Variants in ANO1 observed in about 807,000 individuals in gnomAD.
ANO1 encodes the protein anoctamin-1.
A neutral mutation model predicts 124.0 loss-of-function variants in ANO1; 59 were observed. The ratio of observed to expected loss-of-function variants is 0.48; its 90% CI spans 0.39 to 0.59. ANO1 has a LOEUF of 0.59. Ranked by LOEUF, ANO1 falls within the 20% of genes least tolerant of loss-of-function variation. The pLI is 0.00. For synonymous variants in ANO1, 529 were observed against 532.0 expected (o/e 0.99, Z 0.08); for missense variants, 1,059 against 1,328.0 (o/e 0.80, Z 3.15).
chr11:70,103,185 T>C, intron 3 of ANO1, 21 bp downstream of exon 3: 1 of 1,592,528 alleles, frequency 6.3e-7, no homozygotes, highest in Non-Finnish European at 8.6e-7. Flanking sequence ...ATGGTCCTGC[T>C]CCGAAATGAA....
At chr11:70,134,100 C>T (rs142255633) in intron 11 of ANO1, among the ~76,000 whole-genome samples, 276 of 152,324 alleles carry the variant, frequency 1.8e-3, no homozygotes, top group South Asian at 0.01. Flanking sequence ...GTGTCCTTAG[C>T]AGAGTTCCCT....
chr11:70,186,810 G>A (rs991976742), intron 25 of ANO1, among the ~76,000 whole-genome samples: 1 of 152,238 alleles, frequency 6.6e-6, no homozygotes, highest in Non-Finnish European at 1.5e-5. Flanking sequence ...CTGTCACAGG[G>A]CAGGCCCTTC....
chr11:70,178,817 G>A (rs2048827126), intron 22 of ANO1, among the ~76,000 whole-genome samples: 1 of 152,220 alleles, frequency 6.6e-6, no homozygotes, highest in East Asian at 1.9e-4. Flanking sequence ...GCCCACCTCA[G>A]CCTCCCAAAA....
chr11:70,019,037 AG>A (rs1374848947), intron 1 of ANO1, among the ~76,000 whole-genome samples: 1 of 152,232 alleles, frequency 6.6e-6, no homozygotes, highest in South Asian at 2.1e-4. Flanking sequence ...CATGTGGCGG[AG>A]GGGGGCCTGT....
At position 70,005,112 on chromosome 11, in the gene ANO1, CAA is replaced by C. The variant is rs3078420; in HGVS notation, c.58+18961_58+18962del. On this transcript the variant is annotated intron_variant, in intron 1 of 27. Transcript: ENST00000531349. ...TGGGTGACAGAGCGAGATTCCAACT[CAA>C]AAAAAAAAAAAAAATTGGTGACAGA... 9.3e-4 allele frequency among the ~76,000 whole-genome samples: 125 copies of C among 134,942 alleles called. No individual in the cohort carries two copies. In the Middle Eastern group the frequency reaches 0.019, roughly 20 times the overall value. The allele number at this position is 134,942 out of a possible 152,430, so 88.5% of individuals were successfully genotyped here. A position where few individuals can be genotyped will look rare whatever the true frequency, so the allele number is the denominator to read the frequency against.
intron 8 of ANO1, among the ~76,000 whole-genome samples, chr11:70,123,180 G>A (rs971976485): frequency 2.6e-5 from 4 of 152,208 alleles, no homozygotes; most frequent in South Asian, 2.1e-4. Context: ...TCCCAGGGCC[G>A]CAGACAAGTC....
chr11:70,181,697 C>A (rs1359011449), intron 23 of ANO1, among the ~76,000 whole-genome samples: 1 of 151,702 alleles, frequency 6.6e-6, no homozygotes, highest in East Asian at 1.9e-4. Context: ...GAGGCCAAGG[C>A]AGGAGGATCG....
At chr11:70,074,134 CG>C (rs1190015199), upstream of ANO1, among the ~76,000 whole-genome samples, 1 of 152,142 alleles carries the variant, frequency 6.6e-6, no homozygotes, top group African/African-American at 2.4e-5. Context: ...CGCGGGTTGC[CG>C]GGCAGCACGG....
At chr11:70,152,593 C>T (rs1186442695) in intron 13 of ANO1, 132 bp downstream of exon 13, 2 of 1,049,434 alleles carry the variant, frequency 1.9e-6, no homozygotes, top group East Asian at 5.1e-5. Context: ...TCTCTGCTTT[C>T]TCCCCACCTC....
the ANO1 span, among the ~76,000 whole-genome samples, chr11:69,977,956 C>T: frequency 5.1e-3 from 777 of 152,290 alleles, 8 homozygotes; most frequent in African/African-American, 0.018. Flanking sequence ...CATACTGTGG[C>T]TGAGAGGGGG....
intron 1 of ANO1, among the ~76,000 whole-genome samples, chr11:70,038,629 G>C (rs549506647): frequency 6.8e-4 from 104 of 152,220 alleles, no homozygotes; most frequent in Admixed American, 2.2e-3. Context: ...CCTCTCTTGT[G>C]GGGAGGTGCC....
At chr11:70,170,692 T>C (rs2135761434) in intron 21 of ANO1, among the ~76,000 whole-genome samples, 195 bp from the exon 22 acceptor site, 1 of 152,336 alleles carries the variant, frequency 6.6e-6, no homozygotes, top group South Asian at 2.1e-4. Context: ...ACTCCTGGCC[T>C]GGAGGTCACC....
intron 1 of ANO1, among the ~76,000 whole-genome samples, chr11:70,040,104 C>G (rs1374901578): frequency 6.6e-6 from 1 of 152,158 alleles, no homozygotes; most frequent in Non-Finnish European, 1.5e-5. Context: ...AGCCTAAGAA[C>G]GTGATCACCC....
At chr11:70,080,201 C>T (rs1251792547) in intron 1 of ANO1, among the ~76,000 whole-genome samples, 1 of 152,206 alleles carries the variant, frequency 6.6e-6, no homozygotes, top group African/African-American at 2.4e-5. Flanking sequence ...TGAACTCTCA[C>T]AACGTGTGAG....
chr11:70,086,196 C>G (rs1304715698), intron 1 of ANO1, among the ~76,000 whole-genome samples: 1 of 152,346 alleles, frequency 6.6e-6, no homozygotes, highest in East Asian at 1.9e-4. Context: ...GGACCATTAG[C>G]AGCTTGGAGT....
intron 22 of ANO1, among the ~76,000 whole-genome samples, chr11:70,177,594 C>CTTTTTTTTTTTTTTTTTTT (rs57647858): frequency 2.5e-5 from 2 of 78,924 alleles, no homozygotes; most frequent in South Asian, 6.2e-4. Flanking sequence ...TTTTTTTTTT[C>CTTTTTTTTTTTTTTTTTTT]TTTTTTTTTT....
At chr11:70,031,749 G>A (rs1280448704) in intron 1 of ANO1, among the ~76,000 whole-genome samples, 3 of 152,144 alleles carry the variant, frequency 2.0e-5, no homozygotes, top group Admixed American at 6.5e-5. Context: ...GGTGTTGACC[G>A]GGCACCAGGG....
chr11:70,147,512 G>A (rs1055138514), intron 11 of ANO1, among the ~76,000 whole-genome samples: 6 of 152,336 alleles, frequency 3.9e-5, no homozygotes, highest in South Asian at 2.1e-4. Context: ...GTGTTTCAGC[G>A]ATAGCCATTC....
At chr11:70,006,626 T>TTTC (rs1555000106) in intron 1 of ANO1, among the ~76,000 whole-genome samples, 1 of 151,016 alleles carries the variant, frequency 6.6e-6, no homozygotes, top group African/African-American at 2.4e-5. Context: ...TCTTTCTTTC[T>TTTC]TCTTTCTTTT....
Sources: allele counts gnomAD v4.1 joint callset (sites outside exome capture counted in the v4.1 genomes callset), GRCh38; gene constraint gnomAD v4.1.1; transcripts MANE v1.5; gene names NCBI Gene and HGNC (gene_info 2026-07-23, HGNC 2026-07-21).